The following NDUFAF6 variants were observed in gnomAD, a reference collection of about 807,000 sequenced individuals.
NDUFAF6 encodes the protein NADH:ubiquinone oxidoreductase complex assembly factor 6.
Under a neutral mutation model 40.8 loss-of-function variants are expected in NDUFAF6, and 45 were observed. The observed-to-expected ratio is 1.10, with a 90% CI of 0.87 to 1.42. The LOEUF (loss-of-function observed/expected upper bound fraction) is 1.42. NDUFAF6 is among the 40% of genes most tolerant of loss of function. The pLI, the probability that NDUFAF6 is intolerant of heterozygous loss-of-function variation, is 0.00. For missense variants in NDUFAF6, 435 were observed against 418.5 expected, an observed-to-expected ratio of 1.04 and a Z score of -0.34; for synonymous variants, 185 against 155.9, an observed-to-expected ratio of 1.19 and a Z score of -1.39.
At chr8:94,935,705 A>G (rs535137500) in intron 1 of NDUFAF6, among the ~76,000 whole-genome samples, 1 of 152,318 alleles carries the variant, frequency 6.6e-6, no homozygotes, top group South Asian at 2.1e-4. Context: ...ATCAAGATCT[A>G]TTGGTAAAGC....
downstream of NDUFAF6, among the ~76,000 whole-genome samples, chr8:95,076,611 T>C (rs192850821): frequency 5.2e-3 from 786 of 152,306 alleles, 6 homozygotes; most frequent in African/African-American, 0.018. Context: ...CGGTGGCTCA[T>C]GCCTGTAGTC....
intron 1 of NDUFAF6, among the ~76,000 whole-genome samples, chr8:94,970,687 C>T (rs1336776858): frequency 6.6e-6 from 1 of 152,164 alleles, no homozygotes; most frequent in African/African-American, 2.4e-5. Flanking sequence ...ATTAATCAAG[C>T]ACATACCAAA....
intron 1 of NDUFAF6, among the ~76,000 whole-genome samples, chr8:94,976,244 G>A (rs555516591): frequency 1.1e-3 from 159 of 149,436 alleles, no homozygotes; most frequent in Middle Eastern, 3.6e-3. Context: ...GGTGGCTCAC[G>A]CCTGTAATCC....
upstream of NDUFAF6, chr8:95,023,227 A>G (rs1173265240): frequency 6.6e-6 from 1 of 152,232 alleles, no homozygotes; most frequent in Non-Finnish European, 1.5e-5. Flanking sequence ...AATTGGCCAG[A>G]TCAGGGAAAT....
At chr8:95,028,656 T>A (rs1008889072) in intron 1 of NDUFAF6, among the ~76,000 whole-genome samples, 2 of 152,214 alleles carry the variant, frequency 1.3e-5, no homozygotes, top group African/African-American at 4.8e-5. Context: ...TGCTTTTTTT[T>A]AGAAGATAAC....
rs142435659 is a variant in NDUFAF6 at position 95,058,585 on chromosome 8, A to T, written c.*648A>T. Reference sequence around the variant, plus strand: ...GTCTGGAAGCTTTTACTTTTTTGTTAATCCCACTTCCTCACTCTGTCATTC... The same window carrying T: ...GTCTGGAAGCTTTTACTTTTTTGTTTATCCCACTTCCTCACTCTGTCATTC... On this transcript the variant is annotated 3_prime_UTR_variant, in exon 9 of 9. Transcript: ENST00000396124. The T allele has an allele frequency of 5.4e-5, 64 of 1,194,336 alleles. 1 individual carries two copies. In the Admixed American group the frequency reaches 2.5e-3, roughly 46 times the overall value. The allele number at this position is 1,194,336 out of a possible 1,614,324, so 74.0% of individuals were successfully genotyped here. A position where few individuals can be genotyped will look rare whatever the true frequency, so the allele number is the denominator to read the frequency against.
chr8:95,035,631 T>C, intron 3 of NDUFAF6, 55 bp downstream of exon 3: 1 of 1,531,886 alleles, frequency 6.5e-7, no homozygotes, highest in Non-Finnish European at 9.0e-7. Context: ...CGAGTCTACT[T>C]TTTGATGGAT....
intron 1 of NDUFAF6, among the ~76,000 whole-genome samples, chr8:94,918,202 A>C (rs1819265855): frequency 1.3e-5 from 2 of 152,202 alleles, no homozygotes; most frequent in Admixed American, 6.5e-5. Context: ...CAGTCCAGGC[A>C]CACCAGAGAC....
chr8:95,054,302 A>G (rs1563838216), intron 8 of NDUFAF6, among the ~76,000 whole-genome samples: 2 of 151,842 alleles, frequency 1.3e-5, no homozygotes, highest in Non-Finnish European at 2.9e-5. Context: ...GTCATAGACC[A>G]ATGGTTCCCA....
intron 2 of NDUFAF6, among the ~76,000 whole-genome samples, chr8:95,007,856 C>G (rs893438020): frequency 4.3e-4 from 65 of 152,108 alleles, no homozygotes; most frequent in South Asian, 2.1e-4. Context: ...TCCCGAGTAG[C>G]TGGCACTACA....
chr8:94,989,338 C>T (rs1455876797), intron 2 of NDUFAF6: 3 of 152,046 alleles, frequency 2.0e-5, no homozygotes, highest in Non-Finnish European at 4.4e-5. Context: ...GGAATTTTTC[C>T]AGTGACAGTT....
intron 1 of NDUFAF6, among the ~76,000 whole-genome samples, chr8:94,925,549 CTTT>C (rs1287916481): frequency 8.1e-5 from 11 of 135,388 alleles, no homozygotes; most frequent in Admixed American, 1.5e-4. Context: ...AAAAGAAATC[CTTT>C]TTTTTTTTTT....
At chr8:94,910,945 G>A (rs1336799287) in intron 1 of NDUFAF6, among the ~76,000 whole-genome samples, 1 of 152,214 alleles carries the variant, frequency 6.6e-6, no homozygotes, top group Non-Finnish European at 1.5e-5. Flanking sequence ...GACTTGAAAA[G>A]CTGTGATACA....
chr8:94,958,653 G>A (rs1270696385), intron 1 of NDUFAF6, among the ~76,000 whole-genome samples: 1 of 146,626 alleles, frequency 6.8e-6, no homozygotes, highest in African/African-American at 2.6e-5. Context: ...TCCTGCCTCA[G>A]TCTCCTGAGT....
At chr8:95,096,010 C>T (rs972695788), upstream of NDUFAF6, among the ~76,000 whole-genome samples, 8 of 152,130 alleles carry the variant, frequency 5.3e-5, no homozygotes, top group South Asian at 4.1e-4. Context: ...CATTTATTAT[C>T]GTAACACCTT....
chr8:94,896,361 G>A (rs2131142122), intron 1 of NDUFAF6: 1 of 147,872 alleles, frequency 6.8e-6, no homozygotes, highest in Admixed American at 6.7e-5. Context: ...TGGGAGGAGG[G>A]GGGCCCGACG....
chr8:95,068,982 C>G (rs1832766668), intron 9 of NDUFAF6: 1 of 151,916 alleles, frequency 6.6e-6, no homozygotes, highest in Admixed American at 6.5e-5. Context: ...CTACTCTTGA[C>G]TCTGCTTTCT....
chr8:94,910,164 T>C (rs542954366), intron 1 of NDUFAF6, among the ~76,000 whole-genome samples: 85 of 152,320 alleles, frequency 5.6e-4, no homozygotes, highest in Middle Eastern at 3.4e-3. Flanking sequence ...TTTTGGTTTT[T>C]TTTTATTGGA....
downstream of NDUFAF6, among the ~76,000 whole-genome samples, chr8:95,105,064 CACAGAGAGAGAGAGAGAGAGAGAGAGAG>C (rs1490491402): frequency 1.1e-4 from 12 of 105,810 alleles, no homozygotes; most frequent in South Asian, 2.8e-3. Context: ...CACACACACA[CACAGAGAGAGAGAGAGAGAGAGAGAGAG>C]AGAGAGAGAG....
Sources: gnomAD v4.1 joint callset for allele counts (sites outside exome capture counted in the v4.1 genomes callset) on GRCh38, gnomAD v4.1.1 for gene constraint, MANE v1.5 for transcripts, NCBI Gene and HGNC (gene_info 2026-07-23, HGNC 2026-07-21) for gene names.